CLEC16A: variants seen among roughly 807,000 people sequenced by gnomAD.
CLEC16A encodes C-type lectin domain containing 16A.
Under a neutral mutation model 109.5 loss-of-function variants are expected in CLEC16A, and 51 were observed. The ratio of observed to expected loss-of-function variants is 0.47; its 90% CI spans 0.37 to 0.59. The LOEUF is 0.59. Among genes scored for constraint, CLEC16A ranks in the 20% least tolerant of loss-of-function variants. The probability of loss-of-function intolerance (pLI) is 0.00; values close to 1 mark genes in which losing one functional copy is unlikely to be tolerated. For synonymous variants in CLEC16A, 673 were observed against 564.2 expected, an observed-to-expected ratio of 1.19 and a Z score of -2.73; for missense variants, 1,339 against 1,394.0, an observed-to-expected ratio of 0.96 and a Z score of 0.63.
intron 3 of CLEC16A, among the ~76,000 whole-genome samples, chr16:10,962,951 C>T (rs1003065929): frequency 3.3e-5 from 5 of 152,050 alleles, no homozygotes; most frequent in Non-Finnish European, 7.3e-5. Context: ...CCCAGCTACT[C>T]AGGAGGCTGA....
intron 18 of CLEC16A, among the ~76,000 whole-genome samples, chr16:11,055,713 C>T (rs572219371): frequency 9.9e-4 from 147 of 147,812 alleles, no homozygotes; most frequent in African/African-American, 3.5e-3. Flanking sequence ...TCAGCCTCTA[C>T]AGTAGCATGA....
At chr16:11,036,164 C>G (rs760948158) in intron 13 of CLEC16A, 1 of 152,462 alleles carries the variant, frequency 6.6e-6, no homozygotes, top group Non-Finnish European at 1.5e-5. Flanking sequence ...CCACCCCAGT[C>G]AGCCAGGGCA....
chr16:11,083,306 G>A (rs1214508398), intron 19 of CLEC16A, among the ~76,000 whole-genome samples: 1 of 152,088 alleles, frequency 6.6e-6, no homozygotes. Flanking sequence ...GGGCCTATAG[G>A]TGGACACCAC....
intron 7 of CLEC16A, among the ~76,000 whole-genome samples, chr16:10,974,195 G>A (rs1055558004): frequency 3.3e-5 from 5 of 152,040 alleles, no homozygotes; most frequent in African/African-American, 1.2e-4. Context: ...ACTGTACCCA[G>A]CCATAAGGTG....
chr16:11,091,225 G>A (rs1235366229), intron 19 of CLEC16A, among the ~76,000 whole-genome samples: 1 of 152,256 alleles, frequency 6.6e-6, no homozygotes, highest in Non-Finnish European at 1.5e-5. Flanking sequence ...AGACACAGGA[G>A]ATGGATAACT....
At position 10,961,530 on chromosome 16, in the gene CLEC16A, C is replaced by T. The variant is rs2042247709; in HGVS notation, c.210-925C>T. On this transcript the variant is annotated intron_variant, in intron 2 of 23. Coordinates refer to ENST00000409790, the MANE Select transcript of CLEC16A (RefSeq NM_015226.3). The surrounding 1 kb of genome is among the most constrained non-coding windows in gnomAD (Gnocchi z 4.3). ...GTCATTCTCTTCCTTTAGAGAAAGG[C>T]ACTGGATGGTCTGTTTCCTTTTCAA... Among the ~76,000 whole-genome samples the T allele has an allele frequency of 6.6e-6, 1 of 152,188 alleles. No homozygotes were observed. Among genetic ancestry groups the T allele is most frequent in the Admixed American group, 6.5e-5 (1 of 15,288 alleles).
intron 18 of CLEC16A, among the ~76,000 whole-genome samples, chr16:11,052,825 G>A (rs2152885696): frequency 6.6e-6 from 1 of 152,314 alleles, no homozygotes; most frequent in African/African-American, 2.4e-5. Context: ...GCACCCCTGA[G>A]CCAGAAGGTC....
intron 19 of CLEC16A, among the ~76,000 whole-genome samples, chr16:11,069,203 G>C (rs565637447): frequency 2.8e-4 from 42 of 152,118 alleles, no homozygotes; most frequent in African/African-American, 8.2e-4. Flanking sequence ...TCACGGCTCA[G>C]TGCAGCCCCA....
At chr16:11,177,371 C>A (rs1454282887) in intron 23 of CLEC16A, among the ~76,000 whole-genome samples, 1 of 152,062 alleles carries the variant, frequency 6.6e-6, no homozygotes, top group Non-Finnish European at 1.5e-5. Context: ...GAGGCCGAGG[C>A]GGGCGGATCA....
At chr16:11,131,787 G>A (rs1260024632) in intron 22 of CLEC16A, among the ~76,000 whole-genome samples, 1 of 152,096 alleles carries the variant, frequency 6.6e-6, no homozygotes, top group African/African-American at 2.4e-5. Flanking sequence ...ATGCAGTCTG[G>A]CCCCTGCCCT....
intron 19 of CLEC16A, among the ~76,000 whole-genome samples, chr16:11,067,529 G>A (rs1347271288): frequency 6.6e-6 from 1 of 152,182 alleles, no homozygotes; most frequent in Non-Finnish European, 1.5e-5. Context: ...GAGTGGGAGG[G>A]TGAAGGTGGT....
intron 13 of CLEC16A, chr16:11,027,437 G>A (rs1170839135): frequency 6.5e-7 from 1 of 1,537,186 alleles, no homozygotes. Context: ...AAACTTATGT[G>A]ACCTGGGGAT....
chr16:11,138,707 T>G (rs1432375875), intron 22 of CLEC16A, among the ~76,000 whole-genome samples: 1 of 152,230 alleles, frequency 6.6e-6, no homozygotes. Context: ...AAAACCTAAA[T>G]GACCACTGTT....
At chr16:11,072,861 T>C (rs2049147477) in intron 19 of CLEC16A, among the ~76,000 whole-genome samples, 1 of 152,254 alleles carries the variant, frequency 6.6e-6, no homozygotes, top group East Asian at 1.9e-4. Context: ...GCCTCGTGAC[T>C]GCTTCTGTCC....
chr16:10,971,505 GT>G, intron 5 of CLEC16A: 1 of 978,178 alleles, frequency 1.0e-6, no homozygotes, highest in South Asian at 4.7e-5. Flanking sequence ...GAGTGGCTAT[GT>G]TTTAGAATTT....
At chr16:10,948,450 G>A (rs1252725212) in intron 1 of CLEC16A, among the ~76,000 whole-genome samples, 1 of 152,180 alleles carries the variant, frequency 6.6e-6, no homozygotes, top group Non-Finnish European at 1.5e-5. Context: ...TACACACCAT[G>A]GGTGGTTTAT....
chr16:11,095,431 G>C (rs1409458563), intron 19 of CLEC16A, among the ~76,000 whole-genome samples: 1 of 152,192 alleles, frequency 6.6e-6, no homozygotes, highest in African/African-American at 2.4e-5. Context: ...GCTCTGGTCT[G>C]TGTGTTGGGA....
intron 22 of CLEC16A, among the ~76,000 whole-genome samples, chr16:11,131,790 C>T (rs545880452): frequency 6.6e-6 from 1 of 152,340 alleles, no homozygotes; most frequent in South Asian, 2.1e-4. Flanking sequence ...CAGTCTGGCC[C>T]CTGCCCTCTT....
intron 20 of CLEC16A, among the ~76,000 whole-genome samples, chr16:11,121,834 C>G (rs780976990): frequency 1.5e-5 from 2 of 130,764 alleles, no homozygotes; most frequent in Non-Finnish European, 3.1e-5. Context: ...GAGCTGAGAT[C>G]GTGCCACTGC....
Sources: allele counts gnomAD v4.1 joint callset (sites outside exome capture counted in the v4.1 genomes callset), GRCh38; gene constraint gnomAD v4.1.1; non-coding constraint Gnocchi (gnomAD v3.1); transcripts MANE v1.5; gene names NCBI Gene and HGNC (gene_info 2026-07-23, HGNC 2026-07-21).